Variants in RABL3 observed in about 807,000 individuals in gnomAD.
The protein encoded by RABL3 is rab-like protein 3.
In RABL3, 31 loss-of-function variants were observed where a neutral mutation model predicts 31.8. That is an observed-to-expected ratio of 0.97 (90% CI 0.73 to 1.31). The LOEUF is 1.31. Among genes scored for constraint, RABL3 ranks in the 40% most tolerant of loss-of-function variants. The probability of loss-of-function intolerance (pLI) is 0.00; values close to 1 mark genes in which losing one functional copy is unlikely to be tolerated. For missense variants in RABL3, 263 were observed against 279.6 expected (o/e 0.94, Z 0.42); for synonymous variants, 97 against 99.9 (o/e 0.97, Z 0.18).
At chr3:120,734,274 T>C (rs1489043624) in intron 1 of RABL3, among the ~76,000 whole-genome samples, 3 of 152,214 alleles carry the variant, frequency 2.0e-5, no homozygotes, top group Non-Finnish European at 2.9e-5. Context: ...CCCTTGTAAG[T>C]TGGATTCCTA....
chr3:120,710,881 C>A (rs554373232), intron 2 of RABL3, among the ~76,000 whole-genome samples: 3 of 152,086 alleles, frequency 2.0e-5, no homozygotes, highest in African/African-American at 7.2e-5. Context: ...CTATTCTTAG[C>A]GGTAATCCTT....
intron 4 of RABL3, among the ~76,000 whole-genome samples, chr3:120,704,812 A>C (rs1470435647): frequency 6.6e-6 from 1 of 152,214 alleles, no homozygotes. Context: ...TGGGAGGCCA[A>C]GGCAGGTGGA....
At chr3:120,735,042 G>A (rs546404925) in intron 1 of RABL3, among the ~76,000 whole-genome samples, 8 of 152,306 alleles carry the variant, frequency 5.3e-5, no homozygotes, top group Admixed American at 2.0e-4. Context: ...TTGGTATCAG[G>A]ATGATGCTGG....
At chr3:120,740,771 C>A (rs1290525950) in intron 1 of RABL3, among the ~76,000 whole-genome samples, 2 of 152,182 alleles carry the variant, frequency 1.3e-5, no homozygotes, top group Non-Finnish European at 2.9e-5. Flanking sequence ...ACTAACTTTG[C>A]ACATAAAGGT....
intron 2 of RABL3, among the ~76,000 whole-genome samples, chr3:120,726,071 C>T (rs1576344724): frequency 6.6e-6 from 1 of 152,130 alleles, no homozygotes; most frequent in African/African-American, 2.4e-5. Flanking sequence ...CCCACCTGGC[C>T]TCCCAAAGCA....
intron 2 of RABL3, chr3:120,710,199 T>A (rs1019570670): frequency 2.0e-5 from 4 of 200,808 alleles, no homozygotes; most frequent in Non-Finnish European, 3.0e-5. Flanking sequence ...TGCCCCTCTC[T>A]CACATTGTAT....
At chr3:120,698,618 G>T in intron 4 of RABL3, 45 bp from the exon 5 acceptor site, 2 of 1,487,520 alleles carry the variant, frequency 1.3e-6, no homozygotes, top group South Asian at 1.2e-5. Flanking sequence ...GTATCTTTCT[G>T]GTGTAGATGT....
At chr3:120,718,338 C>T (rs1331005038) in intron 2 of RABL3, among the ~76,000 whole-genome samples, 2 of 152,170 alleles carry the variant, frequency 1.3e-5, no homozygotes, top group African/African-American at 4.8e-5. Flanking sequence ...TGCATTACTC[C>T]TCTACCCTTA....
At chr3:120,721,743 A>C (rs9857158) in intron 2 of RABL3, among the ~76,000 whole-genome samples, 3 of 152,026 alleles carry the variant, frequency 2.0e-5, no homozygotes, top group South Asian at 2.1e-4. Context: ...ACTTTAACAC[A>C]CCACTGTCAA....
intron 1 of RABL3, among the ~76,000 whole-genome samples, chr3:120,736,357 G>C (rs1050026319): frequency 6.6e-6 from 1 of 152,124 alleles, no homozygotes; most frequent in Non-Finnish European, 1.5e-5. Context: ...CAGAAACTAG[G>C]ATTGCAAACC....
At chr3:120,700,686 G>A (rs922131989) in intron 4 of RABL3, among the ~76,000 whole-genome samples, 6 of 152,020 alleles carry the variant, frequency 3.9e-5, no homozygotes, top group Admixed American at 3.3e-4. Flanking sequence ...ATGTTTTAAA[G>A]TATATATGGA....
chr3:120,712,644 A>C (rs1315994552), intron 2 of RABL3, among the ~76,000 whole-genome samples: 1 of 152,142 alleles, frequency 6.6e-6, no homozygotes, highest in Non-Finnish European at 1.5e-5. Context: ...ACACTGTCTT[A>C]TTTATCTACT....
chr3:120,725,418 A>G (rs1404135723), intron 2 of RABL3, among the ~76,000 whole-genome samples: 3 of 152,190 alleles, frequency 2.0e-5, no homozygotes, highest in African/African-American at 7.2e-5. Context: ...AACTAGAAAT[A>G]CCATTTGACC....
At chr3:120,719,766 T>G (rs948455936) in intron 2 of RABL3, among the ~76,000 whole-genome samples, 3 of 152,194 alleles carry the variant, frequency 2.0e-5, no homozygotes, top group African/African-American at 7.2e-5. Flanking sequence ...AGACTCCACC[T>G]CTGGGGGCAG....
intron 7 of RABL3, among the ~76,000 whole-genome samples, chr3:120,690,216 T>C (rs1455185898): frequency 6.6e-6 from 1 of 152,120 alleles, no homozygotes; most frequent in African/African-American, 2.4e-5. Context: ...AGCAAATTAT[T>C]TTCTTCTTCT....
chr3:120,700,873 A>C (rs1708484903), intron 4 of RABL3, among the ~76,000 whole-genome samples: 1 of 152,086 alleles, frequency 6.6e-6, no homozygotes, highest in African/African-American at 2.4e-5. Context: ...CATATGTTTA[A>C]AATTTTCTAT....
At chr3:120,741,560 T>C (rs1325000122) in intron 1 of RABL3, among the ~76,000 whole-genome samples, 2 of 152,104 alleles carry the variant, frequency 1.3e-5, no homozygotes, top group Non-Finnish European at 2.9e-5. Flanking sequence ...GAGAGCTGAA[T>C]TGGGGATTAT....
At chr3:120,720,270 C>T (rs541393588) in intron 2 of RABL3, among the ~76,000 whole-genome samples, 2 of 152,308 alleles carry the variant, frequency 1.3e-5, no homozygotes, top group East Asian at 3.9e-4. Context: ...TTCTGAAAAT[C>T]AGAGTGCCTC....
intron 2 of RABL3, among the ~76,000 whole-genome samples, chr3:120,713,472 C>T (rs910174775): frequency 1.3e-5 from 2 of 152,210 alleles, no homozygotes; most frequent in Non-Finnish European, 2.9e-5. Flanking sequence ...GCTCTTGACA[C>T]AGTAAGTAGT....
Sources: gnomAD v4.1 joint callset for allele counts (sites outside exome capture counted in the v4.1 genomes callset) on GRCh38, gnomAD v4.1.1 for gene constraint, MANE v1.5 for transcripts, NCBI Gene and HGNC (gene_info 2026-07-23, HGNC 2026-07-21) for gene names.